The following CBFA2T2 variants were observed in gnomAD, a reference collection of about 807,000 sequenced individuals.
CBFA2T2 encodes CBFA2/RUNX1 partner transcriptional co-repressor 2.
CBFA2T2 carries 11 observed loss-of-function variants against 62.2 expected under a neutral mutation model. The ratio of observed to expected loss-of-function variants is 0.18; its 90% CI spans 0.11 to 0.29. The LOEUF is 0.29. Among genes scored for constraint, CBFA2T2 ranks in the 10% least tolerant of loss-of-function variants. The probability of loss-of-function intolerance (pLI) is 1.00; values close to 1 mark genes in which losing one functional copy is unlikely to be tolerated. For synonymous variants in CBFA2T2, 295 were observed against 287.5 expected, an observed-to-expected ratio of 1.03 and a Z score of -0.27; for missense variants, 592 against 774.1, an observed-to-expected ratio of 0.76 and a Z score of 2.79.
chr20:33,645,351 T>G lies in CBFA2T2; in HGVS notation c.*705T>G, dbSNP rs2017016995. ...GCTACTTTAGTTTGGGACCTGTTTTTTTTCTCATTTGATTTTGCTTGTGCA... is the reference window on the plus strand; with the variant it reads ...GCTACTTTAGTTTGGGACCTGTTTTGTTTCTCATTTGATTTTGCTTGTGCA... On this transcript the variant is annotated 3_prime_UTR_variant, in exon 11 of 11. Transcript: ENST00000342704. The G allele has an allele frequency of 6.6e-6, 1 of 152,240 alleles. No homozygotes were observed. The highest frequency in any genetic ancestry group is 1.5e-5 in the Non-Finnish European group (1 of 68,036). 9.4% of individuals were successfully genotyped at this position (152,240 alleles called of 1,614,324 possible).
rs778199160 is a variant in CBFA2T2 at position 33,640,473 on chromosome 20, A to G, written c.1430A>G (p.Lys477Arg). ...ATGGAGCAAACCATAGCGGATGTCA[A>G]GCGGCAGGCCGCAGAGGATGCTTTC... ...ARMEQTIADV[K>R]RQAAEDAFLV... Residue 477 changes from lysine (K) to arginine (R), a missense_variant, in exon 10 of 11, where the codon AAG (lysine) becomes AGG (arginine). By Grantham distance (26) the Lys-to-Arg change is conservative. This residue lies in a region of CBFA2T2 where 58 missense variants were observed against 123.9 expected (regional missense o/e 0.47). Transcript: ENST00000342704. 5 of 1,614,258 alleles carry G rather than the reference A, an allele frequency of 3.1e-6. No homozygotes were observed. In the East Asian group the frequency reaches 8.9e-5, roughly 29 times the overall value.
chr20:33,636,132 T>C (rs1403579010), intron 8 of CBFA2T2, among the ~76,000 whole-genome samples: 2 of 151,788 alleles, frequency 1.3e-5, no homozygotes, highest in Non-Finnish European at 2.9e-5. Flanking sequence ...GGCGCACACC[T>C]GTACTCCCAG....
intron 1 of CBFA2T2, among the ~76,000 whole-genome samples, chr20:33,555,626 C>T (rs2012875370): frequency 6.6e-6 from 1 of 152,100 alleles, no homozygotes; most frequent in Non-Finnish European, 1.5e-5. Context: ...ATGCATATTT[C>T]CTGAAATCAA....
In CBFA2T2 at chr20:33,536,133, A is replaced by G. The variant is rs546374689; in HGVS notation, c.34+45832A>G. On this transcript the variant is annotated intron_variant, in intron 1 of 10. Transcript: ENST00000342704. Reference sequence around the variant, plus strand: ...TTTTCCCCACCTTTCCCCCCTTTCTATTCCACAAAACCGCCATTGTCATCC... The same window carrying G: ...TTTTCCCCACCTTTCCCCCCTTTCTGTTCCACAAAACCGCCATTGTCATCC... 3.4e-3 allele frequency among the ~76,000 whole-genome samples: 516 copies of G among 152,232 alleles called. 2 individuals are homozygous for G. The highest frequency in any genetic ancestry group is 0.012 in the African/African-American group (485 of 41,548).
chr20:33,519,327 C>T lies in CBFA2T2; in HGVS notation c.34+29026C>T, dbSNP rs541495443. Among the ~76,000 whole-genome samples, 13 of 151,976 alleles carry T rather than the reference C, an allele frequency of 8.6e-5. No homozygotes were observed. In the South Asian group the frequency reaches 2.3e-3, roughly 27 times the overall value. On this transcript the variant is annotated intron_variant, in intron 1 of 10. Transcript: ENST00000342704. ...TCTACTAAAAATGCAAAAATTAGCCCGGTGCAGTGGCATATGCCTGTAATT... is the reference window on the plus strand; with the variant it reads ...TCTACTAAAAATGCAAAAATTAGCCTGGTGCAGTGGCATATGCCTGTAATT...
At chr20:33,558,820 G>T (rs187110239) in intron 1 of CBFA2T2, among the ~76,000 whole-genome samples, 1 of 148,884 alleles carries the variant, frequency 6.7e-6, no homozygotes, top group Non-Finnish European at 1.5e-5. Context: ...TTCGCCAACT[G>T]TTTGGGGGGG....
At chr20:33,572,239 C>T (rs767676520) in intron 1 of CBFA2T2, among the ~76,000 whole-genome samples, 2 of 152,020 alleles carry the variant, frequency 1.3e-5, no homozygotes, top group Non-Finnish European at 2.9e-5. Context: ...TTATACTGGG[C>T]TTATAAGTAA....
Position 33,527,736 on chromosome 20 carries a change from G to A in CBFA2T2, c.34+37435G>A, listed in dbSNP as rs191050008. 1.9e-3 allele frequency among the ~76,000 whole-genome samples: 289 copies of A among 151,676 alleles called. 1 individual carries two copies. The highest frequency in any genetic ancestry group is 6.7e-3 in the African/African-American group (276 of 41,316). On this transcript the variant is annotated intron_variant, in intron 1 of 10. Coordinates refer to ENST00000342704, the MANE Select transcript of CBFA2T2 (RefSeq NM_001032999.3). The stretch of plus-strand genomic sequence containing the variant: ...TTGTTGTATTTTTAGTAGAGACAGC[G>A]TTTTGCCTTGTTAACCAGTTTAGTC...
intron 3 of CBFA2T2, among the ~76,000 whole-genome samples, chr20:33,615,712 G>T (rs1432822838): frequency 6.6e-6 from 1 of 151,998 alleles, no homozygotes; most frequent in Non-Finnish European, 1.5e-5. Context: ...TGGATTGTGA[G>T]CCTGGGGGAC....
chr20:33,649,906 A>T lies in CBFA2T2; in HGVS notation c.*5260A>T, dbSNP rs1157844794. On this transcript the variant is annotated 3_prime_UTR_variant, in exon 11 of 11. Transcript: ENST00000342704. ...TTCTGTGCTTTGTCATTTTACTCTG[A>T]TAGGAATTTTTGTTACCTAACTCTG... The T allele has an allele frequency of 1.3e-5, 2 of 152,672 alleles. No individual in the cohort carries two copies. The highest frequency in any genetic ancestry group is 4.8e-5 in the African/African-American group (2 of 41,466). 9.5% of individuals were successfully genotyped at this position (152,672 alleles called of 1,614,324 possible).
chr20:33,600,605 A>G (rs2015093330), intron 1 of CBFA2T2: 1 of 288,836 alleles, frequency 3.5e-6, no homozygotes, highest in Non-Finnish European at 7.0e-6. Flanking sequence ...CAGCTGTGAT[A>G]CCACCTCTTG....
chr20:33,513,816 GAA>G (rs11481160), intron 1 of CBFA2T2, among the ~76,000 whole-genome samples: 3 of 111,444 alleles, frequency 2.7e-5, no homozygotes, highest in Non-Finnish European at 5.2e-5. Flanking sequence ...TCTGTCCCAG[GAA>G]AAAAAAAAAA....
At position 33,639,843 on chromosome 20, in the gene CBFA2T2, C is replaced by T. The variant is rs141674334; in HGVS notation, c.1298-498C>T. On this transcript the variant is annotated intron_variant, in intron 9 of 10. Coordinates refer to ENST00000342704, the MANE Select transcript of CBFA2T2 (RefSeq NM_001032999.3). The stretch of plus-strand genomic sequence containing the variant: ...GGTCAAGTCCGCAGTGTGCTGTGAT[C>T]GCAACAGTGCACTCCAGCCTGGGCA... 751 of 154,894 alleles carry T rather than the reference C, an allele frequency of 4.8e-3. 8 individuals are homozygous for T. Among genetic ancestry groups the T allele is most frequent in the African/African-American group, 0.017 (685 of 40,014 alleles). 9.6% of individuals were successfully genotyped at this position (154,894 alleles called of 1,614,324 possible). A position where few individuals can be genotyped will look rare whatever the true frequency, so the allele number is the denominator to read the frequency against.
intron 1 of CBFA2T2, 54 bp from the exon 2 acceptor site, chr20:33,606,902 T>G: frequency 6.3e-7 from 1 of 1,581,162 alleles, no homozygotes; most frequent in Non-Finnish European, 8.6e-7. Context: ...AATTGTTGTC[T>G]GTTTTTGCAA....
At chr20:33,577,207 G>T (rs551219669) in intron 1 of CBFA2T2, among the ~76,000 whole-genome samples, 4 of 152,142 alleles carry the variant, frequency 2.6e-5, no homozygotes, top group African/African-American at 7.2e-5. Flanking sequence ...TTTTAGACTT[G>T]TGCCTATACT....
chr20:33,541,796 T>C (rs776397126), intron 1 of CBFA2T2, among the ~76,000 whole-genome samples: 11 of 152,216 alleles, frequency 7.2e-5, no homozygotes, highest in Non-Finnish European at 1.5e-4. Flanking sequence ...TTACTTTTTA[T>C]TATATCTTGT....
chr20:33,598,111 A>C (rs1379202951), intron 1 of CBFA2T2, among the ~76,000 whole-genome samples: 6 of 152,190 alleles, frequency 3.9e-5, no homozygotes, highest in Admixed American at 3.9e-4. Context: ...TCACAAGGCA[A>C]GTGGAGGCAG....
At chr20:33,494,262 TA>T (rs2011173710) in intron 1 of CBFA2T2, among the ~76,000 whole-genome samples, 39 of 77,874 alleles carry the variant, frequency 5.0e-4, no homozygotes, top group African/African-American at 1.7e-3. Context: ...TATATATATA[TA>T]TATATATATA....
chr20:33,556,850 C>T lies in CBFA2T2; in HGVS notation c.35-50106C>T, dbSNP rs138282041. Among the ~76,000 whole-genome samples, 686 of 152,118 alleles carry T rather than the reference C, an allele frequency of 4.5e-3. 3 individuals are homozygous for T. The highest frequency in any genetic ancestry group is 0.02 in the Middle Eastern group (6 of 294). On this transcript the variant is annotated intron_variant, in intron 1 of 10. Transcript: ENST00000342704. ...TTAAAAAAATTAAATATGGATTATG[C>T]TCTAATCCATTACTATCATTATTTA...
Sources: allele counts gnomAD v4.1 joint callset (sites outside exome capture counted in the v4.1 genomes callset), GRCh38; gene constraint gnomAD v4.1.1; regional missense constraint gnomAD v4.1.1; transcripts MANE v1.5; gene names NCBI Gene and HGNC (gene_info 2026-07-23, HGNC 2026-07-21).